Variants in EXOC6B observed in about 807,000 individuals in gnomAD.
The protein encoded by EXOC6B is SEC15 homolog B.
EXOC6B carries 54 observed loss-of-function variants against 113.5 expected under a neutral mutation model. The observed-to-expected ratio is 0.48, with a 90% CI of 0.38 to 0.60. The LOEUF (loss-of-function observed/expected upper bound fraction) is 0.60. Among genes scored for constraint, EXOC6B ranks in the 20% least tolerant of loss-of-function variants. The pLI is 0.00. For synonymous variants in EXOC6B, 357 were observed against 339.0 expected, an observed-to-expected ratio of 1.05 and a Z score of -0.58; for missense variants, 797 against 977.5, an observed-to-expected ratio of 0.82 and a Z score of 2.46.
intron 20 of EXOC6B, among the ~76,000 whole-genome samples, chr2:72,268,836 G>C (rs1323229008): frequency 9.9e-5 from 15 of 152,136 alleles, no homozygotes. Flanking sequence ...CTTCCACCAT[G>C]GTTGTATGCT....
chr2:72,496,739 T>C lies in EXOC6B; in HGVS notation c.1338-180A>G, dbSNP rs77317487. On this transcript the variant is annotated intron_variant, in intron 13 of 21. Transcript: ENST00000272427. ...TCCCTATTATATTCCTTCCACAATATAGCTATTTGGTTTTGGATTTAAAGA... is the reference window on the plus strand; with the variant it reads ...TCCCTATTATATTCCTTCCACAATACAGCTATTTGGTTTTGGATTTAAAGA... 5.7e-3 allele frequency among the ~76,000 whole-genome samples: 868 copies of C among 152,002 alleles called. 10 individuals carry two copies. Among genetic ancestry groups the C allele is most frequent in the Non-Finnish European group, 7.5e-3 (507 of 67,978 alleles).
At chr2:72,266,841 T>A (rs1684130227) in intron 20 of EXOC6B, among the ~76,000 whole-genome samples, 1 of 152,198 alleles carries the variant, frequency 6.6e-6, no homozygotes, top group African/African-American at 2.4e-5. Context: ...ATAAATTACC[T>A]TGGGCAGTAT....
At chr2:72,795,228 A>AATCAGCCCCTCTG (rs1229378587) in intron 1 of EXOC6B, among the ~76,000 whole-genome samples, 5 of 152,238 alleles carry the variant, frequency 3.3e-5, no homozygotes, top group African/African-American at 9.6e-5. Flanking sequence ...ATGGACCTCT[A>AATCAGCCCCTCTG]ATCAGCCCCT....
At position 72,224,994 on chromosome 2, in the gene EXOC6B, G is replaced by GTGTATATATA. The variant is rs908047817; in HGVS notation, c.2197-40808_2197-40807insTATATATACA. Among the ~76,000 whole-genome samples, 70 of 137,268 alleles carry GTGTATATATA rather than the reference G, an allele frequency of 5.1e-4. 1 individual carries two copies. The highest frequency in any genetic ancestry group is 9.1e-4 in the South Asian group (4 of 4,418). The allele number at this position is 137,268 out of a possible 152,430, so 90.1% of individuals were successfully genotyped here. On this transcript the variant is annotated intron_variant, in intron 20 of 21. Coordinates refer to ENST00000272427, the MANE Select transcript of EXOC6B (RefSeq NM_015189.3). ...CATCTCTCTCTGTATGTGTGTGTGT[G>GTGTATATATA]TATATATATATAAATACACATACTT...
intron 16 of EXOC6B, among the ~76,000 whole-genome samples, chr2:72,491,337 G>A (rs1699734026): frequency 1.3e-5 from 2 of 151,916 alleles, no homozygotes. Context: ...TCCAAAATCA[G>A]AAGTAAATGC....
intron 1 of EXOC6B, among the ~76,000 whole-genome samples, chr2:72,802,193 C>G (rs914274566): frequency 6.6e-6 from 1 of 151,886 alleles, no homozygotes; most frequent in African/African-American, 2.4e-5. Context: ...GGCATGGTGG[C>G]ACGTGCCTGT....
At chr2:72,577,296 C>G (rs1455914511) in intron 6 of EXOC6B, among the ~76,000 whole-genome samples, 1 of 152,152 alleles carries the variant, frequency 6.6e-6, no homozygotes, top group East Asian at 1.9e-4. Context: ...ATAGAATATT[C>G]TATTGTTCTC....
intron 20 of EXOC6B, among the ~76,000 whole-genome samples, chr2:72,254,452 A>G (rs1683226174): frequency 6.6e-6 from 1 of 152,186 alleles, no homozygotes; most frequent in African/African-American, 2.4e-5. Flanking sequence ...CAATGCCTTG[A>G]TTTCAGATTT....
At chr2:72,485,337 C>T (rs1573231317) in intron 16 of EXOC6B, among the ~76,000 whole-genome samples, 1 of 152,298 alleles carries the variant, frequency 6.6e-6, no homozygotes, top group East Asian at 1.9e-4. Context: ...CCAAAACAGA[C>T]AATTCAGTAC....
intron 6 of EXOC6B, among the ~76,000 whole-genome samples, chr2:72,685,982 G>T (rs957688201): frequency 6.6e-6 from 1 of 152,158 alleles, no homozygotes; most frequent in Non-Finnish European, 1.5e-5. Context: ...CTACAAGACA[G>T]AACTTGTATA....
intron 20 of EXOC6B, among the ~76,000 whole-genome samples, chr2:72,189,234 T>G (rs1030699423): frequency 2.0e-5 from 3 of 152,222 alleles, no homozygotes; most frequent in Admixed American, 1.3e-4. Context: ...ATACAACCTT[T>G]CTTTTTCTTA....
At chr2:72,228,971 G>A (rs1681436271) in intron 20 of EXOC6B, among the ~76,000 whole-genome samples, 1 of 152,196 alleles carries the variant, frequency 6.6e-6, no homozygotes, top group South Asian at 2.1e-4. Flanking sequence ...ATTGGTGTGA[G>A]ATGGTATCTC....
intron 19 of EXOC6B, among the ~76,000 whole-genome samples, chr2:72,362,134 A>G (rs1292259429): frequency 6.6e-6 from 1 of 152,200 alleles, no homozygotes; most frequent in Non-Finnish European, 1.5e-5. Context: ...AAACCAAAGC[A>G]TATTTAATTG....
chr2:72,450,855 C>T (rs533549815), intron 18 of EXOC6B, among the ~76,000 whole-genome samples: 34 of 152,226 alleles, frequency 2.2e-4, no homozygotes, highest in Non-Finnish European at 3.7e-4. Context: ...ACTATTGAAG[C>T]CATAAACCTT....
chr2:72,771,881 T>C (rs1053607447), intron 1 of EXOC6B, among the ~76,000 whole-genome samples: 1 of 152,292 alleles, frequency 6.6e-6, no homozygotes, highest in South Asian at 2.1e-4. Context: ...ATGAATTATA[T>C]ATATATTAGT....
chr2:72,289,160 A>G (rs1157903624), intron 20 of EXOC6B: 1 of 213,096 alleles, frequency 4.7e-6, no homozygotes, highest in African/African-American at 2.4e-5. Context: ...TGGGCCAAAA[A>G]AAAAAAGAAA....
intron 6 of EXOC6B, among the ~76,000 whole-genome samples, chr2:72,597,112 G>T (rs1670124056): frequency 6.6e-6 from 1 of 150,418 alleles, no homozygotes; most frequent in Non-Finnish European, 1.5e-5. Flanking sequence ...GGAGTAAATA[G>T]AGATAGATAT....
chr2:72,717,510 T>A (rs1679694186), intron 6 of EXOC6B, among the ~76,000 whole-genome samples: 1 of 152,124 alleles, frequency 6.6e-6, no homozygotes, highest in South Asian at 2.1e-4. Flanking sequence ...ATTCATAATT[T>A]AAAAAAAGAA....
In EXOC6B at chr2:72,415,687, T is replaced by C. The variant is rs112620627; in HGVS notation, c.1981-35817A>G. On this transcript the variant is annotated intron_variant, in intron 18 of 21. Transcript: ENST00000272427. ...GTTGATGGAACACTGCTTTTCCTCATTAATGAGGAAGAATAGGCAGCACAA... is the reference window on the plus strand; with the variant it reads ...GTTGATGGAACACTGCTTTTCCTCACTAATGAGGAAGAATAGGCAGCACAA... Among the ~76,000 whole-genome samples, 615 of 152,200 alleles carry C rather than the reference T, an allele frequency of 4.0e-3. 4 individuals carry two copies. Among genetic ancestry groups the C allele is most frequent in the African/African-American group, 0.014 (587 of 41,544 alleles).
Sources: allele counts gnomAD v4.1 joint callset (sites outside exome capture counted in the v4.1 genomes callset), GRCh38; gene constraint gnomAD v4.1.1; transcripts MANE v1.5; gene names NCBI Gene and HGNC (gene_info 2026-07-23, HGNC 2026-07-21).